MEF2C: variants seen among roughly 807,000 people sequenced by gnomAD.
MEF2C encodes myocyte enhancer factor 2C, also known as myocyte-specific enhancer factor 2C.
MEF2C carries 6 observed loss-of-function variants against 50.5 expected under a neutral mutation model. The observed-to-expected ratio is 0.12, with a 90% CI of 0.07 to 0.23. MEF2C has a LOEUF of 0.23. MEF2C is among the 10% of genes least tolerant of loss of function. MEF2C has a pLI of 1.00. For synonymous variants in MEF2C, 183 were observed against 228.0 expected (o/e 0.80, Z 1.78); for missense variants, 276 against 605.0 (o/e 0.46, Z 5.70).
rs1200024324 is a variant in MEF2C, at chr5:88,827,213, T to C, written c.-142-3283A>G. On this transcript the variant is annotated intron_variant, in intron 1 of 10. Transcript: ENST00000504921. ...CAAACAAGTTCCCTTGAGTGACACA[T>C]ACCTCCCCCCTCCATTTCCCTCCTC... 5 of 151,880 alleles carry C rather than the reference T, an allele frequency of 3.3e-5. No individual in the cohort carries two copies. The East Asian group carries it at 9.7e-4, about 30-fold the overall frequency. The allele number at this position is 151,880 out of a possible 1,614,324, so 9.4% of individuals were successfully genotyped here.
chr5:88,884,778 C>T (rs909642904), upstream of MEF2C, among the ~76,000 whole-genome samples: 7 of 139,434 alleles, frequency 5.0e-5, no homozygotes, highest in Non-Finnish European at 1.1e-4. Flanking sequence ...AAGGTTAAAG[C>T]ATGATAAACA....
intron 6 of MEF2C, chr5:88,734,708 A>G: frequency 1.0e-6 from 1 of 982,960 alleles, no homozygotes; most frequent in Non-Finnish European, 1.2e-6. Flanking sequence ...AAGTAAATAT[A>G]CATTGTAGCT....
intron 1 of MEF2C, among the ~76,000 whole-genome samples, chr5:88,841,425 T>C: frequency 6.6e-6 from 1 of 151,464 alleles, no homozygotes; most frequent in Non-Finnish European, 1.5e-5. Context: ...GAGGATCGTT[T>C]GAGCCCAGGA....
chr5:88,862,847 G>A lies in MEF2C; in HGVS notation c.-143+20108C>T, dbSNP rs183781906. ...AGTGAGGTTTCTATGGCATACCAGAGAATGGAAAGAAGATTAGGTTGGCAC... is the reference window on the plus strand; with the variant it reads ...AGTGAGGTTTCTATGGCATACCAGAAAATGGAAAGAAGATTAGGTTGGCAC... On this transcript the variant is annotated intron_variant, in intron 1 of 10. Coordinates refer to ENST00000504921, the MANE Select transcript of MEF2C (RefSeq NM_002397.5). 1.1e-3 allele frequency among the ~76,000 whole-genome samples: 164 copies of A among 152,296 alleles called. 1 individual carries two copies. The highest frequency in any genetic ancestry group is 0.01 in the Admixed American group (155 of 15,296).
At chr5:88,742,061 G>C (rs1767078658) in intron 6 of MEF2C, 1 of 985,328 alleles carries the variant, frequency 1.0e-6, no homozygotes, top group Non-Finnish European at 1.2e-6. Context: ...TAAGTGATTG[G>C]CAAAGGTTTG....
Position 88,805,772 on chromosome 5 carries a change from T to A in MEF2C, c.55-971A>T, listed in dbSNP as rs114440539. ...CTTCCCAATTTCAACTCTCTTTTAA[T>A]TGAACTTCAGCTTGTTGCTCCAGTC... is the stretch of plus-strand genomic sequence containing the variant. On this transcript the variant is annotated intron_variant, in intron 2 of 10. Transcript: ENST00000504921. Among the ~76,000 whole-genome samples the A allele has an allele frequency of 5.5e-3, 836 of 151,724 alleles. 9 individuals are homozygous for A. The highest frequency in any genetic ancestry group is 0.019 in the African/African-American group (771 of 41,324).
intron 3 of MEF2C, among the ~76,000 whole-genome samples, chr5:88,791,426 C>T (rs1429471711): frequency 1.3e-5 from 2 of 152,088 alleles, no homozygotes; most frequent in Non-Finnish European, 2.9e-5. Flanking sequence ...TGAACCCTGT[C>T]TTTTCTGCTT....
chr5:88,754,570 C>A lies in MEF2C; in HGVS notation c.403-2527G>T, dbSNP rs148039411. Among the ~76,000 whole-genome samples the A allele has an allele frequency of 2.0e-5, 3 of 152,256 alleles. No homozygotes were observed. The East Asian group carries it at 5.8e-4, about 29-fold the overall frequency. On this transcript the variant is annotated intron_variant, in intron 4 of 10. Coordinates refer to ENST00000504921, the MANE Select transcript of MEF2C (RefSeq NM_002397.5). Reference sequence around the variant, plus strand: ...GGGGTGGGACTGTCTCCTTAGGGAGCATTTTGGAAATCTGTTGGACTATCT... The same window carrying A: ...GGGGTGGGACTGTCTCCTTAGGGAGAATTTTGGAAATCTGTTGGACTATCT...
intron 3 of MEF2C, chr5:88,766,716 A>C (rs1561907399): frequency 1.0e-6 from 1 of 985,418 alleles, no homozygotes; most frequent in Non-Finnish European, 1.2e-6. Flanking sequence ...TAAAAATCCA[A>C]GTAATCACAC....
At chr5:88,896,921 A>G (rs1835171403) in intron 1 of MEF2C, among the ~76,000 whole-genome samples, 1 of 148,100 alleles carries the variant, frequency 6.8e-6, no homozygotes, top group Admixed American at 6.9e-5. Flanking sequence ...ATTCTTTAGT[A>G]TCAGTTGTGA....
chr5:88,749,423 T>C (rs1581708026), intron 5 of MEF2C: 8 of 984,996 alleles, frequency 8.1e-6, no homozygotes, highest in South Asian at 4.7e-5. Flanking sequence ...AGATGTTTTA[T>C]AGAAAGTGAA....
chr5:88,836,634 G>C (rs940985454), intron 1 of MEF2C, among the ~76,000 whole-genome samples: 2 of 152,184 alleles, frequency 1.3e-5, no homozygotes, highest in Admixed American at 1.3e-4. Flanking sequence ...GTTGCCCTGG[G>C]CCAGAGTGAG....
rs561848844 is a variant in MEF2C, at chr5:88,756,405, C to T, written c.403-4362G>A. Among the ~76,000 whole-genome samples the T allele has an allele frequency of 4.6e-5, 7 of 152,192 alleles. No individual in the cohort carries two copies. The South Asian group carries it at 6.2e-4, about 14-fold the overall frequency. On this transcript the variant is annotated intron_variant, in intron 4 of 10. Transcript: ENST00000504921. Reference sequence around the variant, plus strand: ...GCTCCCACTTCTAAGTGAGAACATACGGTATTAGATTTTCTGTTTCTGAGT... The same window carrying T: ...GCTCCCACTTCTAAGTGAGAACATATGGTATTAGATTTTCTGTTTCTGAGT...
intron 4 of MEF2C, among the ~76,000 whole-genome samples, chr5:88,758,790 C>T (rs766864677): frequency 2.6e-5 from 4 of 152,140 alleles, no homozygotes; most frequent in African/African-American, 7.2e-5. Flanking sequence ...CAGCTCTGCC[C>T]GTAAACTCTA....
At chr5:88,794,717 A>G (rs534764139) in intron 3 of MEF2C, among the ~76,000 whole-genome samples, 1 of 152,280 alleles carries the variant, frequency 6.6e-6, no homozygotes, top group Non-Finnish European at 1.5e-5. Flanking sequence ...GTCTTTGCCC[A>G]TGCCTATGGC....
intron 4 of MEF2C, chr5:88,752,860 A>G: frequency 1.5e-6 from 1 of 646,056 alleles, no homozygotes; most frequent in South Asian, 6.9e-5. Context: ...CTAGATGAAC[A>G]TAGGAACATA....
At chr5:88,799,534 T>C (rs990609940) in intron 3 of MEF2C, among the ~76,000 whole-genome samples, 1 of 152,240 alleles carries the variant, frequency 6.6e-6, no homozygotes, top group Non-Finnish European at 1.5e-5. Flanking sequence ...ATTTGCTGCA[T>C]TTGCTTTTCA....
chr5:88,902,137 G>C (rs10057016), intron 1 of MEF2C, among the ~76,000 whole-genome samples: 10,997 of 151,720 alleles, frequency 0.072, 843 homozygotes, highest in African/African-American at 0.2. Flanking sequence ...TAGGAATATA[G>C]TATTTAACAG....
chr5:88,805,097 T>A (rs548015067), intron 2 of MEF2C, among the ~76,000 whole-genome samples: 3 of 151,918 alleles, frequency 2.0e-5, no homozygotes, highest in South Asian at 2.1e-4. Context: ...AGTTAAGATT[T>A]AAAAAAAAAT....
Sources: allele counts gnomAD v4.1 joint callset (sites outside exome capture counted in the v4.1 genomes callset), GRCh38; gene constraint gnomAD v4.1.1; transcripts MANE v1.5; gene names NCBI Gene and HGNC (gene_info 2026-07-23, HGNC 2026-07-21).